The following LRMDA variants were observed in gnomAD, a reference collection of about 807,000 sequenced individuals.
LRMDA encodes leucine rich melanocyte differentiation associated.
A neutral mutation model predicts 29.8 loss-of-function variants in LRMDA; 18 were observed. The observed-to-expected ratio is 0.60, with a 90% CI of 0.42 to 0.90. LRMDA has a LOEUF of 0.90. Ranked by LOEUF, LRMDA falls within the 40% of genes least tolerant of loss-of-function variation. LRMDA has a pLI of 0.00. For missense variants in LRMDA, 273 were observed against 273.9 expected (o/e 1.00, Z 0.02); for synonymous variants, 125 against 109.4 (o/e 1.14, Z -0.89).
chr10:76,478,096 A>G (rs901234564), intron 6 of LRMDA, among the ~76,000 whole-genome samples: 3 of 152,176 alleles, frequency 2.0e-5, no homozygotes, highest in African/African-American at 4.8e-5. Context: ...AAAAGAAACT[A>G]CCATCAGAGT....
chr10:76,263,719 G>A (rs949830808), intron 5 of LRMDA, among the ~76,000 whole-genome samples: 25 of 152,120 alleles, frequency 1.6e-4, no homozygotes, highest in African/African-American at 5.8e-4. Context: ...ATAATATGTA[G>A]GGGTAAAATG....
chr10:75,622,725 G>A (rs2132107653), intron 2 of LRMDA, among the ~76,000 whole-genome samples: 1 of 152,314 alleles, frequency 6.6e-6, no homozygotes, highest in African/African-American at 2.4e-5. Context: ...CTATTTGACT[G>A]ATGGTTTGCT....
intron 2 of LRMDA, among the ~76,000 whole-genome samples, chr10:75,921,211 T>C (rs1051608179): frequency 7.2e-5 from 11 of 152,198 alleles, no homozygotes; most frequent in Non-Finnish European, 1.5e-4. Flanking sequence ...CTTCCTCAAA[T>C]AGGTTTATTT....
At chr10:76,062,849 C>T (rs1250760449) in intron 5 of LRMDA, among the ~76,000 whole-genome samples, 6 of 152,034 alleles carry the variant, frequency 3.9e-5, no homozygotes, top group African/African-American at 1.4e-4. Flanking sequence ...TTCAAGCCCC[C>T]AAAGAAAGAG....
chr10:76,528,285 T>G (rs1182531416), intron 6 of LRMDA, among the ~76,000 whole-genome samples: 2 of 152,144 alleles, frequency 1.3e-5, no homozygotes, highest in African/African-American at 4.8e-5. Flanking sequence ...ATAAGAAAGC[T>G]AAATAAATTA....
intron 2 of LRMDA, among the ~76,000 whole-genome samples, chr10:75,760,409 G>A (rs916336267): frequency 2.6e-5 from 4 of 152,216 alleles, no homozygotes; most frequent in Non-Finnish European, 5.9e-5. Context: ...AGAGTGGCTG[G>A]AAAGGGCAGC....
intron 6 of LRMDA, among the ~76,000 whole-genome samples, chr10:76,492,556 C>G (rs1341268213): frequency 1.3e-5 from 2 of 152,088 alleles, no homozygotes; most frequent in Admixed American, 6.6e-5. Context: ...GAGTTTCCCT[C>G]TGTGTGCTGA....
chr10:76,392,092 T>C (rs1265427796), intron 6 of LRMDA, among the ~76,000 whole-genome samples: 1 of 152,182 alleles, frequency 6.6e-6, no homozygotes, highest in Non-Finnish European at 1.5e-5. Flanking sequence ...TTTAATAATG[T>C]TGACCATAAG....
At chr10:75,699,217 A>T (rs901080627) in intron 2 of LRMDA, among the ~76,000 whole-genome samples, 9 of 151,734 alleles carry the variant, frequency 5.9e-5, no homozygotes, top group Non-Finnish European at 2.9e-5. Context: ...AAAAAAAAAA[A>T]TCAAACTTTC....
chr10:75,489,226 T>TAAAAA (rs33952475), intron 2 of LRMDA, among the ~76,000 whole-genome samples: 4 of 132,058 alleles, frequency 3.0e-5, no homozygotes, highest in Admixed American at 7.8e-5. Context: ...GGATTTTTAG[T>TAAAAA]AAAAAAAAAA....
chr10:76,268,264 A>C (rs1028966855), intron 5 of LRMDA, among the ~76,000 whole-genome samples: 2 of 152,190 alleles, frequency 1.3e-5, no homozygotes, highest in Non-Finnish European at 2.9e-5. Flanking sequence ...TGATCTTGAC[A>C]CATAGTCCTC....
At chr10:75,511,117 C>T (rs1331390645) in intron 2 of LRMDA, among the ~76,000 whole-genome samples, 7 of 152,126 alleles carry the variant, frequency 4.6e-5, no homozygotes, top group African/African-American at 1.4e-4. Context: ...CGCTTGAGCC[C>T]AGGAGTTCGA....
chr10:76,290,182 C>G (rs1564712792), intron 5 of LRMDA, among the ~76,000 whole-genome samples: 1 of 152,128 alleles, frequency 6.6e-6, no homozygotes, highest in Non-Finnish European at 1.5e-5. Context: ...TTTATTGTTA[C>G]AATCTCTTTA....
At chr10:76,105,263 A>C (rs571483852) in intron 5 of LRMDA, among the ~76,000 whole-genome samples, 2 of 152,270 alleles carry the variant, frequency 1.3e-5, no homozygotes, top group South Asian at 4.2e-4. Context: ...TTTAAACTCC[A>C]AAAGGCAGGA....
chr10:76,382,073 C>G (rs557919438), intron 6 of LRMDA, among the ~76,000 whole-genome samples: 17 of 152,068 alleles, frequency 1.1e-4, no homozygotes, highest in Non-Finnish European at 1.6e-4. Flanking sequence ...TAAGTGAAGA[C>G]AGGAAAAAAT....
intron 6 of LRMDA, among the ~76,000 whole-genome samples, chr10:76,435,200 C>T (rs1407832086): frequency 6.6e-6 from 1 of 152,194 alleles, no homozygotes; most frequent in Admixed American, 6.5e-5. Flanking sequence ...GGCCCAAGCA[C>T]ATCTCTTTGT....
chr10:75,537,345 G>GT (rs368870030), intron 2 of LRMDA, among the ~76,000 whole-genome samples: 89 of 152,246 alleles, frequency 5.8e-4, no homozygotes, highest in African/African-American at 1.8e-3. Flanking sequence ...GAGAGGCTTG[G>GT]TACTTCTGGG....
chr10:76,365,404 A>G (rs1367010798), intron 6 of LRMDA, among the ~76,000 whole-genome samples: 1 of 151,962 alleles, frequency 6.6e-6, no homozygotes, highest in Non-Finnish European at 1.5e-5. Context: ...ATCCATTCCA[A>G]CATCTACTGT....
intron 5 of LRMDA, among the ~76,000 whole-genome samples, chr10:76,240,874 G>GCACA: frequency 7.2e-6 from 1 of 138,820 alleles, no homozygotes; most frequent in East Asian, 2.2e-4. Context: ...ATATATATAC[G>GCACA]CACACACACA....
Sources: gnomAD v4.1 joint callset for allele counts (sites outside exome capture counted in the v4.1 genomes callset) on GRCh38, gnomAD v4.1.1 for gene constraint, MANE v1.5 for transcripts, NCBI Gene and HGNC (gene_info 2026-07-23, HGNC 2026-07-21) for gene names.